Variants in LRRFIP1 observed in about 807,000 individuals in gnomAD.
LRRFIP1 encodes the protein LRR binding FLII interacting protein 1.
Under a neutral mutation model 104.4 loss-of-function variants are expected in LRRFIP1, and 62 were observed. The ratio of observed to expected loss-of-function variants is 0.59; its 90% CI spans 0.48 to 0.73. The LOEUF (loss-of-function observed/expected upper bound fraction) is 0.73. LRRFIP1 is among the 30% of genes least tolerant of loss of function. The pLI is 0.00. For synonymous variants in LRRFIP1, 300 were observed against 299.0 expected, an observed-to-expected ratio of 1.00 and a Z score of -0.03; for missense variants, 796 against 824.5, an observed-to-expected ratio of 0.97 and a Z score of 0.42.
chr2:237,729,924 C>A, intron 8 of LRRFIP1: 3 of 609,318 alleles, frequency 4.9e-6, no homozygotes, highest in South Asian at 7.5e-5. Flanking sequence ...GTGGATTCAG[C>A]TCTACTTTTC....
chr2:237,755,662 A>G (rs11678407), intron 15 of LRRFIP1, among the ~76,000 whole-genome samples: 4,838 of 152,354 alleles, frequency 0.032, 94 homozygotes, highest in Middle Eastern at 0.12. Flanking sequence ...GGCCAGGTGC[A>G]GTGGCTCATG....
intron 1 of LRRFIP1, among the ~76,000 whole-genome samples, chr2:237,653,765 TCTC>T (rs1386402326): frequency 1.3e-5 from 2 of 152,068 alleles, no homozygotes; most frequent in East Asian, 3.8e-4. Flanking sequence ...GAAAGGATAA[TCTC>T]CTCAATAAGT....
At chr2:237,756,833 CT>C (rs1428185452) in intron 16 of LRRFIP1, among the ~76,000 whole-genome samples, 1 of 152,166 alleles carries the variant, frequency 6.6e-6, no homozygotes, top group Admixed American at 6.5e-5. Flanking sequence ...TAAAGGGCCC[CT>C]GCAGTTGTGA....
chr2:237,759,355 G>A (rs1004773682), intron 18 of LRRFIP1, among the ~76,000 whole-genome samples: 2 of 152,140 alleles, frequency 1.3e-5, no homozygotes, highest in Non-Finnish European at 2.9e-5. Flanking sequence ...GGGTGGGGGG[G>A]TTCCTGAACC....
chr2:237,745,900 A>G (rs1329287435), intron 11 of LRRFIP1, among the ~76,000 whole-genome samples: 1 of 151,770 alleles, frequency 6.6e-6, no homozygotes, highest in Non-Finnish European at 1.5e-5. Flanking sequence ...TAGCCTCTTT[A>G]TTTTCATCTT....
At chr2:237,696,599 TCA>T (rs1191503620) in intron 1 of LRRFIP1, among the ~76,000 whole-genome samples, 1 of 152,248 alleles carries the variant, frequency 6.6e-6, no homozygotes, top group African/African-American at 2.4e-5. Context: ...TCGTTTTCTC[TCA>T]GTTTTTCAGA....
At position 237,691,039 on chromosome 2, in the gene LRRFIP1, G is replaced by GC. The variant is rs1171358872; in HGVS notation, c.97-17502dup. On this transcript the variant is annotated intron_variant, in intron 1 of 23. Transcript: ENST00000308482. The surrounding 1 kb of genome is among the most constrained non-coding windows in gnomAD (Gnocchi z 5.4). The stretch of plus-strand genomic sequence containing the variant: ...GCTGCACACCCTCCTGACAACTCCT[G>GC]CCCTGAAGCCCTGGGCCCGGGTCAC... 6.6e-6 allele frequency among the ~76,000 whole-genome samples: 1 copy of GC among 151,692 alleles called. No homozygotes were observed. Among genetic ancestry groups the GC allele is most frequent in the Non-Finnish European group, 1.5e-5 (1 of 68,034 alleles).
Position 237,780,497 on chromosome 2 carries a change from A to C in LRRFIP1, c.*965A>C, listed in dbSNP as rs902996901. Among the ~76,000 whole-genome samples the C allele has an allele frequency of 5.9e-5, 9 of 152,260 alleles. No homozygotes were observed. Among genetic ancestry groups the C allele is most frequent in the Admixed American group, 2.0e-4 (3 of 15,282 alleles). ...GTGCACTTAAAAAGTGAAGTGAAGGAGGAGGTAACAGTAGAGACGATGGCA... is the reference window on the plus strand; with the variant it reads ...GTGCACTTAAAAAGTGAAGTGAAGGCGGAGGTAACAGTAGAGACGATGGCA... On this transcript the variant is annotated 3_prime_UTR_variant, in exon 24 of 24. Transcript: ENST00000308482.
chr2:237,756,041 G>A lies in LRRFIP1; in HGVS notation c.1039-54G>A, dbSNP rs189761447. ...CTATAAATCGTGAGAGCCTGAACTGGCATGCCAGAAACATGGGATTCCACT... is the reference window on the plus strand; with the variant it reads ...CTATAAATCGTGAGAGCCTGAACTGACATGCCAGAAACATGGGATTCCACT... On this transcript the variant is annotated intron_variant, in intron 15 of 23. Coordinates refer to ENST00000308482, the MANE Select transcript of LRRFIP1 (RefSeq NM_001137550.2). The A allele has an allele frequency of 8.7e-5, 105 of 1,212,786 alleles. No individual in the cohort carries two copies. In the African/African-American group the frequency reaches 1.5e-3, roughly 17 times the overall value. The allele number at this position is 1,212,786 out of a possible 1,614,324, so 75.1% of individuals were successfully genotyped here.
intron 1 of LRRFIP1, among the ~76,000 whole-genome samples, chr2:237,693,785 A>G (rs2092977916): frequency 6.6e-6 from 1 of 152,174 alleles, no homozygotes; most frequent in South Asian, 2.1e-4. Flanking sequence ...AAACATTGAG[A>G]ACAGGATGTG....
chr2:237,646,401 T>A (rs2084917997), intron 1 of LRRFIP1, among the ~76,000 whole-genome samples: 2 of 151,770 alleles, frequency 1.3e-5, no homozygotes, highest in Non-Finnish European at 1.5e-5. Context: ...TTCCTGATGC[T>A]CTCCCTCCCC....
intron 11 of LRRFIP1, 122 bp from the exon 12 acceptor site, chr2:237,748,242 C>T: frequency 1.2e-6 from 1 of 803,800 alleles, no homozygotes; most frequent in East Asian, 2.6e-5. Context: ...CATTTTTCTG[C>T]TTCTAAATTA....
At chr2:237,754,297 C>T (rs1398774932) in intron 15 of LRRFIP1, among the ~76,000 whole-genome samples, 2 of 152,144 alleles carry the variant, frequency 1.3e-5, no homozygotes, top group African/African-American at 4.8e-5. Context: ...AAATATATCA[C>T]CAAGCTCAGA....
At position 237,627,631 on chromosome 2, in the gene LRRFIP1, G is replaced by T. The variant is rs762499404; in HGVS notation, c.-14G>T. ...GAGCAACGGGCCCCGCGGCAGCTGC[G>T]GGCGACGCGGTCGATGGACATGGGC... On this transcript the variant is annotated 5_prime_UTR_variant, in exon 1 of 24. Transcript: ENST00000308482. 7.7e-7 allele frequency: 1 copy of T among 1,299,830 alleles called. No homozygotes were observed. Among genetic ancestry groups the T allele is most frequent in the South Asian group, 1.9e-5 (1 of 53,914 alleles). 80.5% of individuals were successfully genotyped at this position (1,299,830 alleles called of 1,614,324 possible). A position where few individuals can be genotyped will look rare whatever the true frequency, so the allele number is the denominator to read the frequency against.
At chr2:237,628,760 C>T (rs975446428) in intron 1 of LRRFIP1, among the ~76,000 whole-genome samples, 19 of 152,156 alleles carry the variant, frequency 1.2e-4, no homozygotes, top group African/African-American at 4.1e-4. Flanking sequence ...TGGCTGTATC[C>T]GTCAGATATT....
At chr2:237,742,510 C>T (rs917281071) in intron 11 of LRRFIP1, among the ~76,000 whole-genome samples, 5 of 152,182 alleles carry the variant, frequency 3.3e-5, no homozygotes, top group Non-Finnish European at 7.3e-5. Context: ...AATAGAAAGA[C>T]GGTGAGCACA....
chr2:237,647,048 G>C (rs572770084), intron 1 of LRRFIP1, among the ~76,000 whole-genome samples: 1 of 152,122 alleles, frequency 6.6e-6, no homozygotes, highest in South Asian at 2.1e-4. Context: ...ATGATGGTTT[G>C]TTGTAAACTT....
chr2:237,769,712 G>A, intron 19 of LRRFIP1: 1 of 508,168 alleles, frequency 2.0e-6, no homozygotes, highest in Non-Finnish European at 3.6e-6. Context: ...CTGTTTGCAT[G>A]CAGCCGGATG....
At chr2:237,773,262 G>A (rs113987943) in intron 22 of LRRFIP1, among the ~76,000 whole-genome samples, 75 of 152,328 alleles carry the variant, frequency 4.9e-4, no homozygotes, top group African/African-American at 1.4e-3. Flanking sequence ...AATTGGCCGA[G>A]CGCAGTGGCT....
Sources: gnomAD v4.1 joint callset for allele counts (sites outside exome capture counted in the v4.1 genomes callset) on GRCh38, gnomAD v4.1.1 for gene constraint, Gnocchi (gnomAD v3.1) non-coding constraint, MANE v1.5 for transcripts, NCBI Gene and HGNC (gene_info 2026-07-23, HGNC 2026-07-21) for gene names.